The following PRKCA variants were observed in gnomAD, a reference collection of about 807,000 sequenced individuals.
PRKCA encodes the protein protein kinase C alpha, also known as protein kinase C alpha type.
A neutral mutation model predicts 87.0 loss-of-function variants in PRKCA; 27 were observed. That is an observed-to-expected ratio of 0.31 (90% CI 0.23 to 0.43). The LOEUF (loss-of-function observed/expected upper bound fraction) is 0.43. PRKCA is among the 20% of genes least tolerant of loss of function. The pLI is 1.00. For synonymous variants in PRKCA, 329 were observed against 311.1 expected (o/e 1.06, Z -0.61); for missense variants, 518 against 852.3 (o/e 0.61, Z 4.88).
chr17:66,552,463 A>G (rs1217575784), intron 3 of PRKCA, among the ~76,000 whole-genome samples: 1 of 152,214 alleles, frequency 6.6e-6, no homozygotes, highest in Non-Finnish European at 1.5e-5. Context: ...CCAGAAGTCT[A>G]ATCATCTGAG....
At chr17:66,801,344 G>A (rs558551997) in intron 16 of PRKCA, among the ~76,000 whole-genome samples, 11 of 152,226 alleles carry the variant, frequency 7.2e-5, no homozygotes, top group Non-Finnish European at 5.9e-5. Flanking sequence ...TCTGCCCCCA[G>A]ATGCCAGGCT....
rs1976088901 is a variant in PRKCA, at chr17:66,808,407, G to A, written c.*4370G>A. 6.7e-6 allele frequency: 1 copy of A among 149,068 alleles called. No homozygotes were observed. The highest frequency in any genetic ancestry group is 1.5e-5 in the Non-Finnish European group (1 of 67,710). The allele number at this position is 149,068 out of a possible 1,614,324, so 9.2% of individuals were successfully genotyped here. On this transcript the variant is annotated 3_prime_UTR_variant, in exon 17 of 17. Coordinates refer to ENST00000413366, the MANE Select transcript of PRKCA (RefSeq NM_002737.3). ...CTTGTATTTTTAAAAGCCTCGGAAA[G>A]GTGATACCATCTGACAGTCATTTTC... is the stretch of plus-strand genomic sequence containing the variant.
intron 5 of PRKCA, among the ~76,000 whole-genome samples, chr17:66,662,830 C>G (rs1050170658): frequency 6.6e-6 from 1 of 152,120 alleles, no homozygotes; most frequent in Non-Finnish European, 1.5e-5. Context: ...CCTGTTTTAT[C>G]TCTCTCTCCA....
chr17:66,605,931 G>T (rs1187506135), intron 3 of PRKCA, among the ~76,000 whole-genome samples: 3 of 152,076 alleles, frequency 2.0e-5, no homozygotes, highest in Non-Finnish European at 4.4e-5. Flanking sequence ...GGGATGGGGA[G>T]CATTTGAAGG....
chr17:66,584,040 C>T lies in PRKCA; in HGVS notation c.289-57315C>T, dbSNP rs192264972. Among the ~76,000 whole-genome samples the T allele has an allele frequency of 8.7e-4, 132 of 152,262 alleles. 1 individual carries two copies. Among genetic ancestry groups the T allele is most frequent in the Middle Eastern group, 6.8e-3 (2 of 294 alleles). On this transcript the variant is annotated intron_variant, in intron 3 of 16. Coordinates refer to ENST00000413366, the MANE Select transcript of PRKCA (RefSeq NM_002737.3). The stretch of plus-strand genomic sequence containing the variant: ...GGTAGCCAGAAAGGAAGAATCATCA[C>T]GTTGGGACACAAATCCGAGTCCTGT...
chr17:66,770,281 G>T (rs1447062351), intron 13 of PRKCA, among the ~76,000 whole-genome samples: 3 of 152,186 alleles, frequency 2.0e-5, no homozygotes, highest in Non-Finnish European at 4.4e-5. Flanking sequence ...CCCATAGGAG[G>T]TAATATGATA....
chr17:66,562,744 G>A (rs902864624), intron 3 of PRKCA, among the ~76,000 whole-genome samples: 22 of 151,830 alleles, frequency 1.4e-4, no homozygotes, highest in African/African-American at 2.4e-4. Context: ...TTACAGGTGC[G>A]CGCCACCACG....
chr17:66,767,316 G>A (rs2144317632), intron 13 of PRKCA, among the ~76,000 whole-genome samples: 1 of 152,218 alleles, frequency 6.6e-6, no homozygotes, highest in East Asian at 1.9e-4. Context: ...GCTGTATGTT[G>A]TTTTGCTTAA....
intron 3 of PRKCA, among the ~76,000 whole-genome samples, chr17:66,587,887 GTGTGTGTGTATATATATATA>G (rs1442439711): frequency 2.0e-5 from 2 of 99,012 alleles, no homozygotes; most frequent in Admixed American, 1.1e-4. Flanking sequence ...GTGTGTGTGT[GTGTGTGTGTATATATATATA>G]TATATATATA....
chr17:66,405,480 C>T (rs571501539), intron 2 of PRKCA, among the ~76,000 whole-genome samples: 2 of 152,276 alleles, frequency 1.3e-5, no homozygotes, highest in South Asian at 4.1e-4. Flanking sequence ...GAAAACACTA[C>T]CTATATTTAG....
chr17:66,625,024 C>T (rs75409559), intron 3 of PRKCA, among the ~76,000 whole-genome samples: 35 of 152,260 alleles, frequency 2.3e-4, no homozygotes, highest in African/African-American at 7.2e-4. Context: ...GGCTGGATCA[C>T]GAATTTTCTG....
chr17:66,408,194 G>A lies in PRKCA; in HGVS notation c.206-88007G>A, dbSNP rs138763135. ...TCCAAGGCAACTATAGGTTGATAGC[G>A]TGTTATTTGCAGATAAACTGAAATT... On this transcript the variant is annotated intron_variant, in intron 2 of 16. Transcript: ENST00000413366. Among the ~76,000 whole-genome samples, 8 of 152,334 alleles carry A rather than the reference G, an allele frequency of 5.3e-5. No individual in the cohort carries two copies. The East Asian group carries it at 7.7e-4, about 15-fold the overall frequency.
intron 2 of PRKCA, among the ~76,000 whole-genome samples, chr17:66,429,086 C>T (rs1014865846): frequency 7.9e-5 from 12 of 152,018 alleles, no homozygotes; most frequent in African/African-American, 2.9e-4. Context: ...GTTTTTCACG[C>T]TCTTCCGCCA....
chr17:66,778,081 C>T (rs980355548), intron 14 of PRKCA: 23 of 985,324 alleles, frequency 2.3e-5, no homozygotes, highest in South Asian at 1.4e-4. Context: ...ACTAAGCTCA[C>T]GCCCCCTGGA....
chr17:66,358,763 G>C (rs111843363), intron 2 of PRKCA, among the ~76,000 whole-genome samples: 203 of 152,100 alleles, frequency 1.3e-3, no homozygotes, highest in African/African-American at 4.8e-3. Flanking sequence ...GCTCTTCATT[G>C]CTGATTCATT....
chr17:66,564,698 C>T (rs1039793909), intron 3 of PRKCA, among the ~76,000 whole-genome samples: 1 of 152,120 alleles, frequency 6.6e-6, no homozygotes, highest in Non-Finnish European at 1.5e-5. Flanking sequence ...AAGACCAGTG[C>T]CAGCCGGGTG....
At chr17:66,744,265 A>G (rs1175252918) in intron 13 of PRKCA, among the ~76,000 whole-genome samples, 1 of 152,200 alleles carries the variant, frequency 6.6e-6, no homozygotes, top group African/African-American at 2.4e-5. Context: ...GGTGAAATTA[A>G]ATAGTCTTAT....
At chr17:66,562,441 G>A (rs1204821971) in intron 3 of PRKCA, among the ~76,000 whole-genome samples, 2 of 151,758 alleles carry the variant, frequency 1.3e-5, no homozygotes, top group African/African-American at 4.8e-5. Context: ...GTATGTCTCA[G>A]GCACCCTGGA....
intron 2 of PRKCA, among the ~76,000 whole-genome samples, chr17:66,417,371 T>G (rs1212414371): frequency 6.6e-6 from 1 of 152,168 alleles, no homozygotes; most frequent in South Asian, 2.1e-4. Context: ...AAAGATCTGG[T>G]GAAATCCCTA....
Sources: gnomAD v4.1 joint callset for allele counts (sites outside exome capture counted in the v4.1 genomes callset) on GRCh38, gnomAD v4.1.1 for gene constraint, MANE v1.5 for transcripts, NCBI Gene and HGNC (gene_info 2026-07-23, HGNC 2026-07-21) for gene names.